The following TMEM8B variants were observed in gnomAD, a reference collection of about 807,000 sequenced individuals.
TMEM8B encodes transmembrane protein 8B, also known as nasopharyngeal carcinoma expressed 6.
Under a neutral mutation model 49.3 loss-of-function variants are expected in TMEM8B, and 29 were observed. The ratio of observed to expected loss-of-function variants is 0.59; its 90% confidence interval spans 0.44 to 0.80. The LOEUF (loss-of-function observed/expected upper bound fraction) is 0.80. TMEM8B is among the 30% of genes least tolerant of loss of function. TMEM8B has a pLI of 0.00. For missense variants in TMEM8B, 575 were observed against 658.5 expected, an observed-to-expected ratio of 0.87 and a Z score of 1.39; for synonymous variants, 264 against 272.8, an observed-to-expected ratio of 0.97 and a Z score of 0.32.
At chr9:35,845,798 TG>T (rs1831465848) in intron 6 of TMEM8B, 176 bp from the exon 7 acceptor site, 1 of 985,426 alleles carries the variant, frequency 1.0e-6, no homozygotes, top group Non-Finnish European at 1.2e-6. Flanking sequence ...GAGGATCTGT[TG>T]TTTTTCAGTT....
At chr9:35,849,864 C>T (rs115015356) in intron 10 of TMEM8B, among the ~76,000 whole-genome samples, 7 of 152,302 alleles carry the variant, frequency 4.6e-5, no homozygotes, top group Non-Finnish European at 1.0e-4. Context: ...AACTTGAACC[C>T]GTACTGTTCA....
rs1831101560 is a variant in TMEM8B, at chr9:35,842,367, A to G, written c.1310-25A>G. On this transcript the variant is annotated intron_variant, in intron 5 of 12. Coordinates refer to ENST00000643932, the MANE Select transcript of TMEM8B (RefSeq NM_001042590.4). This position sits in a 1 kb window ranked among gnomAD's most constrained non-coding sequence, Gnocchi z 5.6. ...CAGGACTGTAAAGGCTGCAGGCCCA[A>G]GCTCTGGTTTCCTCTGCCCCACAGA... 2.0e-6 allele frequency: 3 copies of G among 1,478,938 alleles called. No individual in the cohort carries two copies. Among genetic ancestry groups the G allele is most frequent in the Middle Eastern group, 1.8e-4 (1 of 5,548 alleles). The allele number at this position is 1,478,938 out of a possible 1,614,324, so 91.6% of individuals were successfully genotyped here.
At chr9:35,845,301 T>C (rs1019547867) in intron 6 of TMEM8B, 4 of 719,388 alleles carry the variant, frequency 5.6e-6, no homozygotes, top group Non-Finnish European at 5.1e-6. Flanking sequence ...TTTATTTTCC[T>C]GTCCTGATTT....
In TMEM8B at chr9:35,846,486, A is replaced by G; in HGVS notation, c.1871A>G (p.Asn624Ser). 4 of 1,599,844 alleles carry G rather than the reference A, an allele frequency of 2.5e-6. No homozygotes were observed. The highest frequency in any genetic ancestry group is 3.4e-6 in the Non-Finnish European group (4 of 1,173,292). The change falls in exon 9 of 13, where the codon AAC becomes AGC. Residue 624 changes from asparagine (N) to serine (S), a missense_variant. Physicochemically the swap from Asn to Ser is conservative, Grantham distance 46. Coordinates refer to ENST00000643932, the MANE Select transcript of TMEM8B (RefSeq NM_001042590.4). ...GTGCGCAGGTTCGTGCGGTGCCGCA[A>G]CGCGACGGCCGAGGTGCGGATGCGC... is the stretch of plus-strand genomic sequence containing the variant. ...GVGPRFVRCR[N>S]ATAEVRMRTF...
At chr9:35,852,600 T>C (rs1832248443) in intron 10 of TMEM8B, among the ~76,000 whole-genome samples, 2 of 152,158 alleles carry the variant, frequency 1.3e-5, no homozygotes, top group East Asian at 1.9e-4. Context: ...AAGCTCAGGG[T>C]CAGGGTCAGG....
intron 10 of TMEM8B, chr9:35,847,210 C>T (rs770052545): frequency 1.3e-6 from 2 of 1,510,696 alleles, no homozygotes; most frequent in Admixed American, 1.7e-5. Flanking sequence ...CTGTTTGCAA[C>T]TTAATAAAGT....
chr9:35,839,364 ACT>A (rs1301844525), intron 3 of TMEM8B, among the ~76,000 whole-genome samples: 8 of 151,512 alleles, frequency 5.3e-5, no homozygotes, highest in Admixed American at 3.9e-4. Context: ...CTCAGCTGGG[ACT>A]CTCTCACCTG....
chr9:35,852,140 T>G (rs1832194592), intron 10 of TMEM8B, among the ~76,000 whole-genome samples: 2 of 152,222 alleles, frequency 1.3e-5, no homozygotes, highest in African/African-American at 4.8e-5. Flanking sequence ...CTGATCCGAT[T>G]CCACTTCTGC....
rs1830315800 is a variant in TMEM8B, at chr9:35,835,072, A to G, written c.760A>G (p.Thr254Ala). ...CCTGCATACACACTTCCCAGGGGAC[A>G]CAGCTGTGCCTGGGGTTTTCTCACT... ...NPLHTHFPGDTAVPGVFSLTL... is the reference protein window; with the variant it reads ...NPLHTHFPGDAAVPGVFSLTL... Residue 254 changes from threonine (T) to alanine (A), a missense_variant, in exon 3 of 13, where the codon ACA becomes GCA. Transcript: ENST00000643932. The G allele has an allele frequency of 2.4e-6, 1 of 415,682 alleles. No individual in the cohort carries two copies. Among genetic ancestry groups the G allele is most frequent in the East Asian group, 3.6e-5 (1 of 28,074 alleles). 25.7% of individuals were successfully genotyped at this position (415,682 alleles called of 1,614,324 possible). A position where few individuals can be genotyped will look rare whatever the true frequency, so the allele number is the denominator to read the frequency against.
Position 35,854,076 on chromosome 9 carries a change from C to G in TMEM8B, c.*236C>G. On this transcript the variant is annotated 3_prime_UTR_variant, in exon 13 of 13. Transcript: ENST00000643932. ...TCTTAAGGACTGGAGCCTATGCAGGCACAGAGTCCCTCAGGACCAAGGAGT... is the reference window on the plus strand; with the variant it reads ...TCTTAAGGACTGGAGCCTATGCAGGGACAGAGTCCCTCAGGACCAAGGAGT... The G allele has an allele frequency of 8.1e-7, 1 of 1,234,488 alleles. No homozygotes were observed. Among genetic ancestry groups the G allele is most frequent in the Non-Finnish European group, 1.0e-6 (1 of 983,002 alleles). The allele number at this position is 1,234,488 out of a possible 1,614,324, so 76.5% of individuals were successfully genotyped here. A position where few individuals can be genotyped will look rare whatever the true frequency, so the allele number is the denominator to read the frequency against.
At chr9:35,845,039 T>C (rs1831384046) in intron 6 of TMEM8B, among the ~76,000 whole-genome samples, 1 of 152,212 alleles carries the variant, frequency 6.6e-6, no homozygotes, top group Admixed American at 6.5e-5. Context: ...GCCCCGGGCT[T>C]GCATTGAAGG....
rs745669140 is a variant in TMEM8B at position 35,847,042 on chromosome 9, G to C, written c.2175+47G>C. The C allele has an allele frequency of 1.2e-5, 19 of 1,614,200 alleles. 1 individual carries two copies. The South Asian group carries it at 1.8e-4, about 15-fold the overall frequency. On this transcript the variant is annotated intron_variant, in intron 10 of 12. Coordinates refer to ENST00000643932, the MANE Select transcript of TMEM8B (RefSeq NM_001042590.4). The stretch of plus-strand genomic sequence containing the variant: ...TTATCACTGGGTGCTTGTGCATGGT[G>C]GTGGGTCACAGTCTGTATTTCCACC...
In TMEM8B at chr9:35,853,827, T is replaced by G; in HGVS notation, c.2762T>G (p.Ile921Ser). The G allele has an allele frequency of 6.5e-7, 1 of 1,542,446 alleles. No individual in the cohort carries two copies. Among genetic ancestry groups the G allele is most frequent in the Non-Finnish European group, 8.7e-7 (1 of 1,147,976 alleles). Residue 921 changes from isoleucine to serine, a missense_variant, in exon 13 of 13, where the codon ATC becomes AGC. Physicochemically the swap from Ile to Ser is moderately radical, Grantham distance 142. Transcript: ENST00000643932. This position sits in a 1 kb window ranked among gnomAD's most constrained non-coding sequence, Gnocchi z 4.2. ...VGPGGATVSS[I>S]CAS The stretch of plus-strand genomic sequence containing the variant: ...CCAGGAGGGGCCACTGTCAGCAGCA[T>G]CTGTGCCAGCTGAGAGGGGCTTTGG...
chr9:35,842,512 G>T lies in TMEM8B; in HGVS notation c.1430G>T (p.Gly477Val). The change falls in exon 6 of 13, where the codon GGG becomes GTG. Residue 477 changes from glycine (G) to valine (V), a missense_variant. Transcript: ENST00000643932. This position sits in a 1 kb window ranked among gnomAD's most constrained non-coding sequence, Gnocchi z 5.6. ...EPPSLGTPAE[G>V]PGTTSPPEHC... ...CCATCCCTTGGAACCCCTGCGGAGGGGCCTGGGACCACGTCCCCACCCGAG... is the reference window on the plus strand; with the variant it reads ...CCATCCCTTGGAACCCCTGCGGAGGTGCCTGGGACCACGTCCCCACCCGAG... The T allele has an allele frequency of 6.2e-7, 1 of 1,613,108 alleles. No individual in the cohort carries two copies. The highest frequency in any genetic ancestry group is 8.5e-7 in the Non-Finnish European group (1 of 1,179,436).
chr9:35,835,817 A>G (rs1394932385), intron 3 of TMEM8B, among the ~76,000 whole-genome samples: 6 of 152,194 alleles, frequency 3.9e-5, no homozygotes, highest in African/African-American at 1.2e-4. Flanking sequence ...CAGCCACCCC[A>G]AGCACTTATT....
Position 35,829,538 on chromosome 9 carries a change from C to CA in TMEM8B, c.92dup (p.Pro32AlafsTer48). The CA allele has an allele frequency of 5.0e-6, 2 of 399,000 alleles. No individual in the cohort carries two copies. The highest frequency in any genetic ancestry group is 8.8e-6 in the Non-Finnish European group (2 of 226,252). 24.7% of individuals were successfully genotyped at this position (399,000 alleles called of 1,614,324 possible). A position where few individuals can be genotyped will look rare whatever the true frequency, so the allele number is the denominator to read the frequency against. On this transcript the variant is annotated frameshift_variant, in exon 1 of 13. Coordinates refer to ENST00000643932, the MANE Select transcript of TMEM8B (RefSeq NM_001042590.4). LOFTEE classifies it high-confidence loss of function. ...CTCGCCCCGCTTCCCACATCGGCCCCAGCCCCTGCCTGGGTCCCCATCCAG... is the reference window on the plus strand; with the variant it reads ...CTCGCCCCGCTTCCCACATCGGCCCCAAGCCCCTGCCTGGGTCCCCATCCAG...
intron 3 of TMEM8B, among the ~76,000 whole-genome samples, chr9:35,838,121 G>C (rs1830616438): frequency 6.6e-6 from 1 of 152,202 alleles, no homozygotes; most frequent in Non-Finnish European, 1.5e-5. Flanking sequence ...GTTAGAATCT[G>C]CTAATAGTGC....
intron 3 of TMEM8B, among the ~76,000 whole-genome samples, chr9:35,836,777 G>A (rs1830486268): frequency 2.0e-5 from 3 of 152,202 alleles, no homozygotes; most frequent in African/African-American, 7.2e-5. Flanking sequence ...GTACCAAACT[G>A]GAACCCTGGT....
intron 6 of TMEM8B, among the ~76,000 whole-genome samples, chr9:35,844,712 G>A (rs1391382282): frequency 6.6e-6 from 1 of 152,194 alleles, no homozygotes; most frequent in Non-Finnish European, 1.5e-5. Flanking sequence ...ACAGCCTTAC[G>A]CATACTTGTT....
Sources: gnomAD v4.1 joint callset for allele counts (sites outside exome capture counted in the v4.1 genomes callset) on GRCh38, gnomAD v4.1.1 for gene constraint, Gnocchi (gnomAD v3.1) non-coding constraint, MANE v1.5 for transcripts, NCBI Gene and HGNC (gene_info 2026-07-23, HGNC 2026-07-21) for gene names.